The following TDP1 variants were observed in gnomAD, a reference collection of about 807,000 sequenced individuals.
The protein encoded by TDP1 is tyr-DNA phosphodiesterase 1.
Under a neutral mutation model 81.5 loss-of-function variants are expected in TDP1, and 64 were observed. The observed-to-expected ratio is 0.79, with a 90% CI of 0.64 to 0.97. The LOEUF (loss-of-function observed/expected upper bound fraction) is 0.97, where lower values mean the gene tolerates loss of function less well. Among genes scored for constraint, TDP1 ranks in the 50% least tolerant of loss-of-function variants. The probability of loss-of-function intolerance (pLI) is 0.00; values close to 1 mark genes in which losing one functional copy is unlikely to be tolerated. For missense variants in TDP1, 723 were observed against 743.8 expected, an observed-to-expected ratio of 0.97 and a Z score of 0.33; for synonymous variants, 256 against 264.3, an observed-to-expected ratio of 0.97 and a Z score of 0.30.
chr14:89,993,397 T>G lies in TDP1; in HGVS notation c.1455T>G (p.Ser485=). The G allele has an allele frequency of 6.2e-7, 1 of 1,613,808 alleles. No homozygotes were observed. The highest frequency in any genetic ancestry group is 8.5e-7 in the Non-Finnish European group (1 of 1,179,752). The stretch of plus-strand genomic sequence containing the variant: ...CTAGCAAATGGTCAGCTGAGACTTC[T>G]GGCCGCAGCAATGCCATGCCACATA... ...SYFHKWSAET[S]GRSNAMPHIK... is the part of the protein sequence containing the mutation. Residue 485 remains serine (S), a synonymous_variant, in exon 14 of 17, where the codon TCT becomes TCG. Coordinates refer to ENST00000335725, the MANE Select transcript of TDP1 (RefSeq NM_018319.4).
intron 16 of TDP1, among the ~76,000 whole-genome samples, chr14:90,037,683 C>T (rs902455725): frequency 2.0e-5 from 3 of 152,122 alleles, no homozygotes; most frequent in Non-Finnish European, 4.4e-5. Flanking sequence ...AACGTGATGT[C>T]CTTTTATCCC....
chr14:90,000,441 A>G (rs771761358), intron 14 of TDP1, among the ~76,000 whole-genome samples: 3 of 152,076 alleles, frequency 2.0e-5, no homozygotes, highest in Non-Finnish European at 4.4e-5. Flanking sequence ...CTGAAGTGCA[A>G]TGTCACGATC....
At chr14:89,971,635 A>G (rs944399213) in intron 6 of TDP1, among the ~76,000 whole-genome samples, 4 of 152,128 alleles carry the variant, frequency 2.6e-5, no homozygotes, top group African/African-American at 9.7e-5. Flanking sequence ...CTTTAATTCA[A>G]ACATTCTCTT....
chr14:89,961,255 C>T (rs1892291635), intron 2 of TDP1, among the ~76,000 whole-genome samples: 1 of 152,210 alleles, frequency 6.6e-6, no homozygotes, highest in African/African-American at 2.4e-5. Flanking sequence ...AGTGCTCAGC[C>T]TCTGAGGACT....
chr14:90,032,649 T>C (rs1027117908), intron 15 of TDP1: 2 of 732,564 alleles, frequency 2.7e-6, no homozygotes, highest in Non-Finnish European at 3.3e-6. Context: ...TTTATACTTC[T>C]GTCACATTAT....
chr14:90,026,449 A>C (rs1886664355), intron 15 of TDP1, among the ~76,000 whole-genome samples: 2 of 152,222 alleles, frequency 1.3e-5, no homozygotes, highest in Admixed American at 1.3e-4. Flanking sequence ...CTGCCCTGGC[A>C]AGAATTTATT....
chr14:89,960,957 G>A lies in TDP1; in HGVS notation c.-7-2151G>A, dbSNP rs537847055. Among the ~76,000 whole-genome samples, 40 of 152,306 alleles carry A rather than the reference G, an allele frequency of 2.6e-4. No individual in the cohort carries two copies. The South Asian group carries it at 4.4e-3, about 17-fold the overall frequency. On this transcript the variant is annotated intron_variant, in intron 2 of 16. Transcript: ENST00000335725. Reference sequence around the variant, plus strand: ...TTCTTATAAAGGGCTACAGCCTGCAGTGTGGCCTGACAGGCTGGGAAGCAC... The same window carrying A: ...TTCTTATAAAGGGCTACAGCCTGCAATGTGGCCTGACAGGCTGGGAAGCAC...
chr14:89,955,629 C>G (rs1259773109), upstream of TDP1: 1 of 152,310 alleles, frequency 6.6e-6, no homozygotes, highest in African/African-American at 2.4e-5. Context: ...AACCAAACGC[C>G]GCTGCATGGA....
At chr14:90,008,447 C>T (rs2140211718) in intron 14 of TDP1, among the ~76,000 whole-genome samples, 1 of 152,220 alleles carries the variant, frequency 6.6e-6, no homozygotes, top group East Asian at 1.9e-4. Context: ...AGAGTTCAGC[C>T]CAGAGTCACG....
At chr14:90,038,187 T>A (rs1240894096) in intron 16 of TDP1, among the ~76,000 whole-genome samples, 1 of 152,180 alleles carries the variant, frequency 6.6e-6, no homozygotes, top group African/African-American at 2.4e-5. Flanking sequence ...ATTTCAAAAT[T>A]TTTTTTAAAA....
chr14:90,020,728 A>G (rs1885977939), intron 15 of TDP1, among the ~76,000 whole-genome samples: 1 of 140,630 alleles, frequency 7.1e-6, no homozygotes, highest in Non-Finnish European at 1.5e-5. Context: ...GGACAACACC[A>G]ACTGGACCAG....
intron 12 of TDP1, among the ~76,000 whole-genome samples, chr14:89,990,750 T>A (rs1896092201): frequency 6.6e-6 from 1 of 152,040 alleles, no homozygotes; most frequent in Non-Finnish European, 1.5e-5. Flanking sequence ...TGTTTTTAGT[T>A]ATTTGAAGTT....
At chr14:90,011,362 C>T (rs561297613) in intron 14 of TDP1, among the ~76,000 whole-genome samples, 6 of 152,122 alleles carry the variant, frequency 3.9e-5, no homozygotes, top group African/African-American at 1.4e-4. Context: ...GGGTAACAGG[C>T]AGAGGTTGGA....
intron 4 of TDP1, 32 bp from the exon 5 acceptor site, chr14:89,967,335 T>A (rs781479303): frequency 1.9e-6 from 3 of 1,606,876 alleles, no homozygotes; most frequent in South Asian, 2.2e-5. Context: ...GAATTACCTA[T>A]GGCTTAGTTA....
chr14:89,994,405 A>G (rs1056302135), intron 14 of TDP1, among the ~76,000 whole-genome samples: 2 of 152,192 alleles, frequency 1.3e-5, no homozygotes, highest in Non-Finnish European at 2.9e-5. Context: ...GTCTCTTTCT[A>G]CTTTATTGGA....
chr14:89,958,385 GA>G, intron 2 of TDP1: 1 of 152,412 alleles, frequency 6.6e-6, no homozygotes, highest in Non-Finnish European at 1.5e-5. Flanking sequence ...AACCGAAGGG[GA>G]AAAGGGCGGA....
At chr14:90,020,049 C>T (rs1048565494) in intron 15 of TDP1, among the ~76,000 whole-genome samples, 1 of 152,156 alleles carries the variant, frequency 6.6e-6, no homozygotes, top group East Asian at 1.9e-4. Flanking sequence ...TTCGAGATGT[C>T]CAGCACAGCC....
chr14:89,964,730 C>T (rs1278164572), intron 3 of TDP1: 1 of 311,692 alleles, frequency 3.2e-6, no homozygotes. Context: ...GACAGACTGA[C>T]AAATATTTAG....
chr14:89,975,845 C>T (rs759614248), intron 7 of TDP1, 30 bp downstream of exon 7: 3 of 1,586,954 alleles, frequency 1.9e-6, no homozygotes, highest in Admixed American at 3.3e-5. Context: ...TAGGGGAACC[C>T]CTCAAGCATT....
Sources: allele counts gnomAD v4.1 joint callset (sites outside exome capture counted in the v4.1 genomes callset), GRCh38; gene constraint gnomAD v4.1.1; transcripts MANE v1.5; gene names NCBI Gene and HGNC (gene_info 2026-07-23, HGNC 2026-07-21).